Variants in SLC35F3 observed in about 807,000 individuals in gnomAD.
SLC35F3 encodes putative thiamine transporter SLC35F3.
A neutral mutation model predicts 49.9 loss-of-function variants in SLC35F3; 25 were observed. The ratio of observed to expected loss-of-function variants is 0.50; its 90% confidence interval spans 0.37 to 0.70. SLC35F3 has a LOEUF of 0.70. Ranked by LOEUF, SLC35F3 falls within the 30% of genes least tolerant of loss-of-function variation. SLC35F3 has a pLI of 0.00. For missense variants in SLC35F3, 525 were observed against 639.8 expected (o/e 0.82, Z 1.94); for synonymous variants, 275 against 265.4 (o/e 1.04, Z -0.35).
At chr1:234,227,392 C>CTTTTTTTTTTTTTTTTTTTTTTTTTTT (rs369277069) in intron 2 of SLC35F3, among the ~76,000 whole-genome samples, 1 of 108,668 alleles carries the variant, frequency 9.2e-6, no homozygotes, top group African/African-American at 2.6e-5. Context: ...CTCTTTCTTT[C>CTTTTTTTTTTTTTTTTTTTTTTTTTTT]TTTTTTTTTT....
chr1:234,272,584 C>T (rs1196196724), intron 3 of SLC35F3: 1 of 152,292 alleles, frequency 6.6e-6, no homozygotes, highest in Non-Finnish European at 1.5e-5. Context: ...AGGACTTGGC[C>T]TCTGTGCTCT....
In SLC35F3 at chr1:234,243,694, G is replaced by A. The variant is rs545258888; in HGVS notation, c.608+11953G>A. Among the ~76,000 whole-genome samples the A allele has an allele frequency of 2.2e-3, 338 of 152,322 alleles. 2 individuals carry two copies. The highest frequency in any genetic ancestry group is 7.4e-3 in the African/African-American group (306 of 41,570). On this transcript the variant is annotated intron_variant, in intron 3 of 7. Coordinates refer to ENST00000366618, the MANE Select transcript of SLC35F3 (RefSeq NM_173508.4). Reference sequence around the variant, plus strand: ...GTCCTAAGCAAGCCACTGGTGTCCCGTTTGACTTTGCAAAACCACATCATT... The same window carrying A: ...GTCCTAAGCAAGCCACTGGTGTCCCATTTGACTTTGCAAAACCACATCATT...
At chr1:233,974,969 G>A (rs928364538) in intron 2 of SLC35F3, among the ~76,000 whole-genome samples, 4 of 152,210 alleles carry the variant, frequency 2.6e-5, no homozygotes, top group African/African-American at 7.2e-5. Context: ...TTAGAGAGAA[G>A]ACATCAAGAT....
rs1477029661 is a variant in SLC35F3 at position 234,073,205 on chromosome 1, G to A, written c.284-158212G>A. 3.3e-5 allele frequency among the ~76,000 whole-genome samples: 5 copies of A among 152,128 alleles called. No homozygotes were observed. In the South Asian group the frequency reaches 6.2e-4, roughly 19 times the overall value. On this transcript the variant is annotated intron_variant, in intron 2 of 7. Transcript: ENST00000366618. The stretch of plus-strand genomic sequence containing the variant: ...GTCACCCAGGCTGGAATGCAGTGAC[G>A]TGATCATAGCACACTGCAGCCTTGA...
intron 2 of SLC35F3, among the ~76,000 whole-genome samples, chr1:234,096,653 G>T (rs1365489199): frequency 7.2e-5 from 11 of 152,114 alleles, no homozygotes; most frequent in Admixed American, 7.2e-4. Context: ...GAAGGTTGGG[G>T]GAGCTAGATT....
intron 2 of SLC35F3, among the ~76,000 whole-genome samples, chr1:233,913,099 A>T (rs1026405935): frequency 6.6e-6 from 1 of 152,170 alleles, no homozygotes; most frequent in Non-Finnish European, 1.5e-5. Flanking sequence ...GTGCCTGGGG[A>T]GCCCTTTCTC....
intron 3 of SLC35F3, among the ~76,000 whole-genome samples, chr1:234,291,930 G>A (rs1427552351): frequency 1.3e-5 from 2 of 152,228 alleles, no homozygotes; most frequent in African/African-American, 4.8e-5. Flanking sequence ...ACTGAGATGG[G>A]ATGAGAGTAA....
At chr1:234,206,301 C>T (rs1666968402) in intron 2 of SLC35F3, among the ~76,000 whole-genome samples, 1 of 152,028 alleles carries the variant, frequency 6.6e-6, no homozygotes, top group South Asian at 2.1e-4. Context: ...GGCCTAAGCA[C>T]GCAGTCGGGG....
chr1:234,125,449 C>G (rs546833025), intron 2 of SLC35F3, among the ~76,000 whole-genome samples: 99 of 152,276 alleles, frequency 6.5e-4, no homozygotes, highest in Admixed American at 1.8e-3. Flanking sequence ...CTTGAGTTCA[C>G]GTACTCAAGT....
chr1:233,929,934 A>G (rs761389887), intron 2 of SLC35F3, among the ~76,000 whole-genome samples: 1 of 152,152 alleles, frequency 6.6e-6, no homozygotes, highest in African/African-American at 2.4e-5. Context: ...GATAGAGCAG[A>G]TGGAATCAAT....
At chr1:234,070,957 G>T (rs1166102512) in intron 2 of SLC35F3, among the ~76,000 whole-genome samples, 1 of 152,212 alleles carries the variant, frequency 6.6e-6, no homozygotes, top group Admixed American at 6.5e-5. Flanking sequence ...CATTTTGGGA[G>T]ATGAGGAAAT....
intron 2 of SLC35F3, among the ~76,000 whole-genome samples, chr1:233,969,129 T>C (rs907105420): frequency 2.6e-5 from 4 of 151,790 alleles, no homozygotes; most frequent in African/African-American, 9.7e-5. Flanking sequence ...GTTTACAAAA[T>C]GTTGCCTAAT....
At chr1:234,307,163 A>G (rs905873774) in intron 3 of SLC35F3, among the ~76,000 whole-genome samples, 5 of 152,222 alleles carry the variant, frequency 3.3e-5, no homozygotes, top group Admixed American at 2.6e-4. Flanking sequence ...GGAATATTGT[A>G]TGAAAATTAC....
chr1:233,990,618 G>T (rs548583909), intron 2 of SLC35F3, among the ~76,000 whole-genome samples: 2 of 152,000 alleles, frequency 1.3e-5, no homozygotes, highest in Admixed American at 1.3e-4. Context: ...AGGTATTCTC[G>T]CCATACACAC....
chr1:234,301,788 C>A (rs150717709), intron 3 of SLC35F3, among the ~76,000 whole-genome samples: 10 of 152,226 alleles, frequency 6.6e-5, no homozygotes, highest in African/African-American at 2.4e-4. Context: ...TGGAACCAAC[C>A]CAAATGCCCA....
chr1:234,147,086 GC>G (rs1333587983), intron 2 of SLC35F3, among the ~76,000 whole-genome samples: 2 of 152,120 alleles, frequency 1.3e-5, no homozygotes, highest in Non-Finnish European at 2.9e-5. Context: ...TGAGTAATCT[GC>G]TTTCTTTCTG....
intron 2 of SLC35F3, among the ~76,000 whole-genome samples, chr1:233,918,641 C>T (rs1471558911): frequency 6.6e-6 from 1 of 151,908 alleles, no homozygotes; most frequent in Non-Finnish European, 1.5e-5. Context: ...GTGGCGGGCA[C>T]CTGTAATGCC....
At chr1:233,941,962 G>GTTTTTTTTTTTTTTTTTTT (rs547024039) in intron 2 of SLC35F3, among the ~76,000 whole-genome samples, 1 of 118,898 alleles carries the variant, frequency 8.4e-6, no homozygotes. Flanking sequence ...TTGTTTTTTT[G>GTTTTTTTTTTTTTTTTTTT]TTTTTTTTTT....
intron 2 of SLC35F3, 104 bp downstream of exon 2, chr1:233,905,862 C>T: frequency 9.4e-7 from 1 of 1,066,044 alleles, no homozygotes; most frequent in Non-Finnish European, 1.4e-6. Context: ...GCCACCCCCT[C>T]CCGCCCTGCC....
Sources: gnomAD v4.1 joint callset for allele counts (sites outside exome capture counted in the v4.1 genomes callset) on GRCh38, gnomAD v4.1.1 for gene constraint, MANE v1.5 for transcripts, NCBI Gene and HGNC (gene_info 2026-07-23, HGNC 2026-07-21) for gene names.